METAP1: variants seen among roughly 807,000 people sequenced by gnomAD.
METAP1 encodes the protein methionine aminopeptidase 1.
A neutral mutation model predicts 53.8 loss-of-function variants in METAP1; 28 were observed. That is an observed-to-expected ratio of 0.52 (90% CI 0.39 to 0.71). METAP1 has a LOEUF of 0.71. METAP1 is among the 30% of genes least tolerant of loss of function. The pLI, the probability that METAP1 is intolerant of heterozygous loss-of-function variation, is 0.00. For missense variants in METAP1, 389 were observed against 479.8 expected (o/e 0.81, Z 1.77); for synonymous variants, 181 against 165.7 (o/e 1.09, Z -0.71).
At chr4:99,055,092 T>TA (rs1367984757) in intron 9 of METAP1, among the ~76,000 whole-genome samples, 4 of 149,892 alleles carry the variant, frequency 2.7e-5, no homozygotes, top group Non-Finnish European at 4.5e-5. Context: ...AATTTATTTT[T>TA]AAAAAAAAAA....
intron 2 of METAP1, among the ~76,000 whole-genome samples, chr4:99,031,101 GTTTTTTT>G (rs56082818): frequency 9.1e-6 from 1 of 109,920 alleles, no homozygotes; most frequent in African/African-American, 3.4e-5. Flanking sequence ...CTCAAAGGTA[GTTTTTTT>G]TTTTTTTTTT....
Position 99,017,097 on chromosome 4 carries a change from A to G in METAP1, c.115-11770A>G, listed in dbSNP as rs541065203. 7.4e-4 allele frequency among the ~76,000 whole-genome samples: 112 copies of G among 152,368 alleles called. 1 individual carries two copies. The highest frequency in any genetic ancestry group is 2.6e-3 in the African/African-American group (108 of 41,574). ...TTTTGGCTACCTGATCTGCAAGATT[A>G]TTACCTCGACTTTCAAATGAAAAGT... On this transcript the variant is annotated intron_variant, in intron 1 of 10. Coordinates refer to ENST00000296411, the MANE Select transcript of METAP1 (RefSeq NM_015143.3).
chr4:99,034,404 T>A, intron 3 of METAP1, 62 bp downstream of exon 3: 1 of 974,180 alleles, frequency 1.0e-6, no homozygotes, highest in Non-Finnish European at 1.6e-6. Flanking sequence ...ATGATACTCG[T>A]AATTTGTTTT....
chr4:99,056,900 T>G (rs1009205899), intron 9 of METAP1, among the ~76,000 whole-genome samples: 2 of 152,146 alleles, frequency 1.3e-5, no homozygotes, highest in Non-Finnish European at 2.9e-5. Flanking sequence ...TCTTGCTCAA[T>G]CGCCCAGGCT....
chr4:99,031,521 T>C (rs1482023564), intron 2 of METAP1: 17 of 1,288,618 alleles, frequency 1.3e-5, no homozygotes, highest in Non-Finnish European at 1.7e-5. Context: ...GAAGGTGTTA[T>C]GTAATGTCTT....
At chr4:99,043,741 A>C (rs1726033440) in intron 7 of METAP1, among the ~76,000 whole-genome samples, 1 of 152,160 alleles carries the variant, frequency 6.6e-6, no homozygotes, top group Non-Finnish European at 1.5e-5. Context: ...TTATAGATAC[A>C]GGAAAACCCT....
chr4:99,034,398 T>A, intron 3 of METAP1, 56 bp downstream of exon 3: 1 of 1,014,074 alleles, frequency 9.9e-7, no homozygotes, highest in Non-Finnish European at 1.5e-6. Context: ...CCAAAAATGA[T>A]ACTCGTAATT....
intron 1 of METAP1, among the ~76,000 whole-genome samples, chr4:99,002,197 C>A (rs1397427599): frequency 6.6e-6 from 1 of 152,180 alleles, no homozygotes; most frequent in Non-Finnish European, 1.5e-5. Flanking sequence ...TAAGCTCATT[C>A]CAGCTCTAGA....
rs535561246 is a variant in METAP1, at chr4:99,061,786, G to A, written c.*469G>A. On this transcript the variant is annotated 3_prime_UTR_variant, in exon 11 of 11. Coordinates refer to ENST00000296411, the MANE Select transcript of METAP1 (RefSeq NM_015143.3). The stretch of plus-strand genomic sequence containing the variant: ...CCAAACACTATGTGACCTGGAGTTT[G>A]TGTTGTTTCTGCTCTGACAGGTTTA... 1 of 152,332 alleles carries A rather than the reference G, an allele frequency of 6.6e-6. No individual in the cohort carries two copies. The highest frequency in any genetic ancestry group is 1.9e-4 in the East Asian group (1 of 5,192). 9.4% of individuals were successfully genotyped at this position (152,332 alleles called of 1,614,324 possible).
rs374936495 is a variant in METAP1 at position 99,021,484 on chromosome 4, A to G, written c.115-7383A>G. Among the ~76,000 whole-genome samples the G allele has an allele frequency of 2.0e-5, 3 of 152,142 alleles. No individual in the cohort carries two copies. In the East Asian group the frequency reaches 5.8e-4, roughly 29 times the overall value. ...GAGGGCCAAGGACTGGAGGGGAAAC[A>G]GTGTCCCCATACGAGCCACAAAATT... is the stretch of plus-strand genomic sequence containing the variant. On this transcript the variant is annotated intron_variant, in intron 1 of 10. Transcript: ENST00000296411.
chr4:99,001,918 T>A (rs544263963), intron 1 of METAP1, among the ~76,000 whole-genome samples: 184 of 152,304 alleles, frequency 1.2e-3, no homozygotes, highest in Non-Finnish European at 1.1e-3. Context: ...ATACCTACAT[T>A]ACAGTAGAAT....
intron 8 of METAP1, among the ~76,000 whole-genome samples, chr4:99,048,388 A>G (rs1245754663): frequency 2.0e-5 from 3 of 149,582 alleles, no homozygotes; most frequent in Non-Finnish European, 4.5e-5. Flanking sequence ...TTCTTTTTCT[A>G]TTTTGAGACA....
rs145302797 is a variant in METAP1 at position 99,046,315 on chromosome 4, G to A, written c.787+1005G>A. Among the ~76,000 whole-genome samples, 405 of 152,272 alleles carry A rather than the reference G, an allele frequency of 2.7e-3. 4 individuals are homozygous for A. Among genetic ancestry groups the A allele is most frequent in the African/African-American group, 9.2e-3 (383 of 41,532 alleles). On this transcript the variant is annotated intron_variant, in intron 8 of 10. Transcript: ENST00000296411. ...TGTAATCCCAGCTACTCGGGAGGCT[G>A]AGGCAGGAGAGTTGCTGGAACCTGG...
intron 1 of METAP1, among the ~76,000 whole-genome samples, chr4:98,999,113 GTC>G (rs1560688285): frequency 3.9e-4 from 60 of 152,154 alleles, no homozygotes; most frequent in Non-Finnish European, 6.6e-4. Flanking sequence ...GGCCGAGAAT[GTC>G]TGTTTTTTAG....
At chr4:99,009,404 C>T (rs1471260433) in intron 1 of METAP1, among the ~76,000 whole-genome samples, 1 of 152,188 alleles carries the variant, frequency 6.6e-6, no homozygotes, top group African/African-American at 2.4e-5. Flanking sequence ...TGCTGGATCA[C>T]ACGATTATTT....
intron 1 of METAP1, chr4:99,026,786 C>T: frequency 1.0e-6 from 1 of 985,310 alleles, no homozygotes; most frequent in Non-Finnish European, 1.2e-6. Context: ...AATATTTTGA[C>T]ACCATTAATG....
chr4:99,030,280 G>T (rs771755363), intron 2 of METAP1, among the ~76,000 whole-genome samples: 2 of 152,152 alleles, frequency 1.3e-5, no homozygotes, highest in Non-Finnish European at 2.9e-5. Context: ...TGGATATTTA[G>T]GGGCAGGGCT....
At chr4:99,014,878 A>G (rs982732867) in intron 1 of METAP1, among the ~76,000 whole-genome samples, 1 of 152,214 alleles carries the variant, frequency 6.6e-6, no homozygotes, top group African/African-American at 2.4e-5. Context: ...TTTCCAAGGA[A>G]TATTGAGTTC....
chr4:99,001,042 T>A (rs1263679221), intron 1 of METAP1, among the ~76,000 whole-genome samples: 1 of 152,136 alleles, frequency 6.6e-6, no homozygotes. Flanking sequence ...AGTTAGAAGG[T>A]AGAGAAGGAA....
Sources: gnomAD v4.1 joint callset for allele counts (sites outside exome capture counted in the v4.1 genomes callset) on GRCh38, gnomAD v4.1.1 for gene constraint, MANE v1.5 for transcripts, NCBI Gene and HGNC (gene_info 2026-07-23, HGNC 2026-07-21) for gene names.